MBP: variants seen among roughly 807,000 people sequenced by gnomAD.
MBP encodes Golli-MBP.
MBP carries 16 observed loss-of-function variants against 35.8 expected under a neutral mutation model. That is an observed-to-expected ratio of 0.45 (90% confidence interval 0.30 to 0.68). The LOEUF (loss-of-function observed/expected upper bound fraction) is 0.68, where lower values mean the gene tolerates loss of function less well. Among genes scored for constraint, MBP ranks in the 30% least tolerant of loss-of-function variants. MBP has a pLI of 0.08. For synonymous variants in MBP, 143 were observed against 159.6 expected (o/e 0.90, Z 0.78); for missense variants, 380 against 404.7 (o/e 0.94, Z 0.52).
At chr18:77,017,347 T>G (rs1189329365) in intron 3 of MBP, 79 bp from the exon 4 acceptor site, 2 of 1,341,632 alleles carry the variant, frequency 1.5e-6, no homozygotes, top group Non-Finnish European at 2.0e-6. Flanking sequence ...TGAGGGGTCT[T>G]GACCTAGCTG....
In MBP at chr18:76,980,252, G is replaced by A. The variant is rs748415639; in HGVS notation, c.*175C>T. On this transcript the variant is annotated 3_prime_UTR_variant, in exon 9 of 9. Transcript: ENST00000355994. Reference sequence around the variant, plus strand: ...TCTGTTTTCATGTTCTCATTTAACTGTTGGCCGGAAATTGCCGGTAGGCTG... The same window carrying A: ...TCTGTTTTCATGTTCTCATTTAACTATTGGCCGGAAATTGCCGGTAGGCTG... 1.4e-6 allele frequency: 1 copy of A among 727,770 alleles called. No individual in the cohort carries two copies. Among genetic ancestry groups the A allele is most frequent in the Non-Finnish European group, 2.5e-6 (1 of 396,682 alleles). The allele number at this position is 727,770 out of a possible 1,614,324, so 45.1% of individuals were successfully genotyped here. A position where few individuals can be genotyped will look rare whatever the true frequency, so the allele number is the denominator to read the frequency against.
In MBP at chr18:77,035,270, G is replaced by A. The variant is rs189108588; in HGVS notation, c.140-18002C>T. On this transcript the variant is annotated intron_variant, in intron 3 of 8. Coordinates refer to ENST00000355994, the MANE Select transcript of MBP (RefSeq NM_001025101.2). ...CTGGGACCCACCTGTGTCCCGGGAC[G>A]TACACACTGCATTCTAAGTGTCTCT... Among the ~76,000 whole-genome samples, 13 of 152,284 alleles carry A rather than the reference G, an allele frequency of 8.5e-5. 1 individual carries two copies. The highest frequency in any genetic ancestry group is 5.9e-4 in the Admixed American group (9 of 15,296).
intron 1 of MBP, among the ~76,000 whole-genome samples, chr18:77,125,870 A>C (rs538363673): frequency 1.6e-5 from 2 of 124,080 alleles, no homozygotes; most frequent in Admixed American, 1.9e-4. Flanking sequence ...CAATAATCTA[A>C]GATCTAATTC....
intron 1 of MBP, among the ~76,000 whole-genome samples, chr18:77,106,873 T>C (rs1268524951): frequency 6.6e-6 from 1 of 152,228 alleles, no homozygotes; most frequent in Non-Finnish European, 1.5e-5. Flanking sequence ...CAAAAAAACC[T>C]TGAAGGGGCA....
intron 7 of MBP, chr18:76,986,259 C>T: frequency 1.2e-5 from 12 of 985,550 alleles, no homozygotes; most frequent in Non-Finnish European, 1.3e-5. Context: ...CTTGAGCCCT[C>T]TCCTGAAGAC....
chr18:76,993,004 C>T (rs904945597), intron 4 of MBP, among the ~76,000 whole-genome samples: 3 of 152,234 alleles, frequency 2.0e-5, no homozygotes, highest in Admixed American at 2.0e-4. Flanking sequence ...AGGGCAAAGG[C>T]ATCTCCCATG....
At chr18:77,081,763 TATATAC>T (rs55946753) in intron 2 of MBP, among the ~76,000 whole-genome samples, 15,383 of 116,126 alleles carry the variant, frequency 0.13, 908 homozygotes, top group Middle Eastern at 0.2. Context: ...TATATATATA[TATATAC>T]ACACACACAC....
chr18:77,098,754 C>G (rs563163731), intron 2 of MBP, among the ~76,000 whole-genome samples: 4 of 152,192 alleles, frequency 2.6e-5, no homozygotes, highest in African/African-American at 9.6e-5. Flanking sequence ...CAGAGTGGGA[C>G]GTGGGGCTGG....
chr18:77,106,349 G>A (rs1302511035), intron 1 of MBP, among the ~76,000 whole-genome samples: 1 of 152,230 alleles, frequency 6.6e-6, no homozygotes, highest in Admixed American at 6.5e-5. Context: ...GTCCCTTTTT[G>A]GTGGCTCAGG....
intron 4 of MBP, chr18:77,009,868 C>T (rs779853032): frequency 3.8e-6 from 6 of 1,592,206 alleles, no homozygotes; most frequent in Non-Finnish European, 5.1e-6. Context: ...GTTGCACAGC[C>T]CAGGCTGGCT....
chr18:77,009,712 C>T (rs150205302), intron 4 of MBP: 189 of 736,696 alleles, frequency 2.6e-4, no homozygotes, highest in African/African-American at 2.1e-3. Context: ...CCTGCTTTCA[C>T]GGCCTCACAG....
intron 2 of MBP, among the ~76,000 whole-genome samples, chr18:77,100,549 TGTGG>T (rs1440811503): frequency 0.035 from 5,130 of 146,450 alleles, 181 homozygotes; most frequent in South Asian, 0.084. Flanking sequence ...GTGTGTGTTT[TGTGG>T]TTTTTTCTTT....
intron 2 of MBP, among the ~76,000 whole-genome samples, chr18:77,081,691 C>T (rs1030414442): frequency 1.3e-5 from 2 of 151,468 alleles, no homozygotes; most frequent in Non-Finnish European, 2.9e-5. Flanking sequence ...TAAGAATACA[C>T]CCAAGAGAAA....
At chr18:77,010,740 A>T (rs1971299117) in intron 4 of MBP, among the ~76,000 whole-genome samples, 1 of 152,232 alleles carries the variant, frequency 6.6e-6, no homozygotes, top group South Asian at 2.1e-4. Flanking sequence ...TTAGCTCCTA[A>T]CTTAATGTAT....
chr18:77,105,417 G>T (rs1976236304), intron 1 of MBP, 131 bp from the exon 2 acceptor site: 9 of 549,816 alleles, frequency 1.6e-5, no homozygotes, highest in African/African-American at 1.3e-4. Context: ...CCAAGGCCCT[G>T]AAAACAGAAG....
chr18:77,132,418 C>T (rs1359375223), intron 1 of MBP, among the ~76,000 whole-genome samples, 162 bp downstream of exon 1: 1 of 152,196 alleles, frequency 6.6e-6, no homozygotes, highest in Non-Finnish European at 1.5e-5. Context: ...AAGAAAGGGA[C>T]CCGGAGTCCG....
chr18:76,987,953 C>A, intron 7 of MBP: 1 of 1,160,046 alleles, frequency 8.6e-7, no homozygotes, highest in South Asian at 2.0e-5. Context: ...GGCTTGATAT[C>A]TATGTTTTAA....
rs9807514 is a variant in MBP, at chr18:76,989,373, G to A, written c.682-461C>T. Among the ~76,000 whole-genome samples the A allele has an allele frequency of 0.033, 5,061 of 152,280 alleles. 253 individuals carry two copies. The highest frequency in any genetic ancestry group is 0.12 in the African/African-American group (4,779 of 41,532). ...GAGATCTTGGAATTAGAAGCCTGTG[G>A]TTTTGTTCTTGTTTTTAATCGTCTT... On this transcript the variant is annotated intron_variant, in intron 5 of 8. Transcript: ENST00000355994. This position sits in a 1 kb window ranked among gnomAD's most constrained non-coding sequence, Gnocchi z 4.0.
At chr18:77,041,132 C>T (rs1361860339) in intron 3 of MBP, among the ~76,000 whole-genome samples, 1 of 152,150 alleles carries the variant, frequency 6.6e-6, no homozygotes, top group Admixed American at 6.5e-5. Context: ...TGAACAGACA[C>T]TTCTCAAAAG....
Sources: allele counts gnomAD v4.1 joint callset (sites outside exome capture counted in the v4.1 genomes callset), GRCh38; gene constraint gnomAD v4.1.1; non-coding constraint Gnocchi (gnomAD v3.1); transcripts MANE v1.5; gene names NCBI Gene and HGNC (gene_info 2026-07-23, HGNC 2026-07-21).